PDSS2: variants seen among roughly 807,000 people sequenced by gnomAD.
The protein encoded by PDSS2 is all trans-polyprenyl-diphosphate synthase PDSS2.
A neutral mutation model predicts 44.5 loss-of-function variants in PDSS2; 31 were observed. That is an observed-to-expected ratio of 0.70 (90% CI 0.52 to 0.94). PDSS2 has a LOEUF of 0.94. Ranked by LOEUF, PDSS2 falls within the 40% of genes least tolerant of loss-of-function variation. PDSS2 has a pLI of 0.00. For synonymous variants in PDSS2, 157 were observed against 180.3 expected (o/e 0.87, Z 1.03); for missense variants, 452 against 482.2 (o/e 0.94, Z 0.59).
intron 7 of PDSS2, among the ~76,000 whole-genome samples, chr6:107,157,398 C>T (rs1188049523): frequency 2.0e-5 from 3 of 152,046 alleles, no homozygotes; most frequent in Admixed American, 2.0e-4. Context: ...ATTGCCCAAG[C>T]TAATCTCAAA....
At chr6:107,453,879 C>T (rs1781951920) in intron 1 of PDSS2, among the ~76,000 whole-genome samples, 1 of 152,146 alleles carries the variant, frequency 6.6e-6, no homozygotes, top group Non-Finnish European at 1.5e-5. Context: ...TTTTATCCAT[C>T]CATCCTTCAA....
intron 1 of PDSS2, among the ~76,000 whole-genome samples, chr6:107,404,533 T>C (rs1359367527): frequency 6.6e-6 from 1 of 152,208 alleles, no homozygotes; most frequent in Non-Finnish European, 1.5e-5. Context: ...CAGTTCCACA[T>C]GGCTGGGAAG....
chr6:107,344,696 G>A (rs570154644), intron 1 of PDSS2, among the ~76,000 whole-genome samples: 27 of 152,154 alleles, frequency 1.8e-4, no homozygotes, highest in Non-Finnish European at 3.1e-4. Context: ...TTGTTGAGCA[G>A]GGACTAAATC....
intron 1 of PDSS2, among the ~76,000 whole-genome samples, chr6:107,402,466 A>ATATATATG (rs1432499041): frequency 3.8e-5 from 1 of 26,492 alleles, no homozygotes; most frequent in East Asian, 4.8e-4. Context: ...ATATATACGT[A>ATATATATG]TATATATGTA....
At chr6:107,403,366 A>G (rs1583041326) in intron 1 of PDSS2, among the ~76,000 whole-genome samples, 1 of 152,298 alleles carries the variant, frequency 6.6e-6, no homozygotes, top group East Asian at 1.9e-4. Flanking sequence ...CCTCCCTCCC[A>G]GCTGCTTTCA....
chr6:107,347,829 T>C (rs1265010461), intron 1 of PDSS2, among the ~76,000 whole-genome samples: 1 of 152,230 alleles, frequency 6.6e-6, no homozygotes, highest in Non-Finnish European at 1.5e-5. Flanking sequence ...AATGGCTATA[T>C]GTTGTCCTAA....
chr6:107,212,006 G>C lies in PDSS2; in HGVS notation c.876+103C>G, dbSNP rs968869224. On this transcript the variant is annotated intron_variant, in intron 5 of 7. Coordinates refer to ENST00000369037, the MANE Select transcript of PDSS2 (RefSeq NM_020381.4). ...CTGACAGATTTGAACCACACAATAAGCATTTTTGAAATATAAAAGAAGCTT... is the reference window on the plus strand; with the variant it reads ...CTGACAGATTTGAACCACACAATAACCATTTTTGAAATATAAAAGAAGCTT... 1.2e-5 allele frequency: 11 copies of C among 947,394 alleles called. No individual in the cohort carries two copies. The African/African-American group carries it at 1.5e-4, about 12-fold the overall frequency. The allele number at this position is 947,394 out of a possible 1,614,324, so 58.7% of individuals were successfully genotyped here. A position where few individuals can be genotyped will look rare whatever the true frequency, so the allele number is the denominator to read the frequency against.
intron 7 of PDSS2, among the ~76,000 whole-genome samples, chr6:107,186,353 T>C (rs566190116): frequency 6.6e-6 from 1 of 152,304 alleles, no homozygotes; most frequent in East Asian, 1.9e-4. Flanking sequence ...GAAGGTCCAG[T>C]TGAGAATGAT....
At chr6:107,298,126 A>G (rs1440621284) in intron 2 of PDSS2, among the ~76,000 whole-genome samples, 1 of 152,238 alleles carries the variant, frequency 6.6e-6, no homozygotes, top group East Asian at 1.9e-4. Flanking sequence ...GGGATAGTGC[A>G]TTCAGTTATT....
chr6:107,272,606 A>C (rs892315306), intron 3 of PDSS2, among the ~76,000 whole-genome samples: 5 of 152,222 alleles, frequency 3.3e-5, no homozygotes, highest in African/African-American at 9.6e-5. Context: ...CTGTTATCTT[A>C]TAATCAAACC....
At chr6:107,414,748 C>A (rs1780607464) in intron 1 of PDSS2, among the ~76,000 whole-genome samples, 1 of 152,194 alleles carries the variant, frequency 6.6e-6, no homozygotes, top group Admixed American at 6.5e-5. Flanking sequence ...TATCCCCAGT[C>A]CTTGTTAACA....
intron 1 of PDSS2, among the ~76,000 whole-genome samples, chr6:107,398,962 A>G (rs565351293): frequency 6.6e-6 from 1 of 152,160 alleles, no homozygotes; most frequent in Non-Finnish European, 1.5e-5. Context: ...TTTAGAATGT[A>G]TTCATATTCT....
intron 2 of PDSS2, among the ~76,000 whole-genome samples, chr6:107,288,483 G>A (rs1776228724): frequency 6.6e-6 from 1 of 152,174 alleles, no homozygotes; most frequent in Non-Finnish European, 1.5e-5. Flanking sequence ...GACAGGCAGG[G>A]AGCAGGAAAT....
intron 2 of PDSS2, among the ~76,000 whole-genome samples, chr6:107,319,435 G>A (rs749272468): frequency 2.0e-5 from 3 of 152,144 alleles, no homozygotes; most frequent in Non-Finnish European, 4.4e-5. Context: ...GATCTGGGGT[G>A]TTCTGATTGA....
chr6:107,215,433 T>A (rs1248226720), intron 4 of PDSS2, among the ~76,000 whole-genome samples: 1 of 152,172 alleles, frequency 6.6e-6, no homozygotes, highest in Non-Finnish European at 1.5e-5. Context: ...ATTTCTTTAA[T>A]GTGATAGGGG....
chr6:107,191,220 G>A (rs1403106325), intron 7 of PDSS2, among the ~76,000 whole-genome samples: 2 of 152,192 alleles, frequency 1.3e-5, no homozygotes, highest in African/African-American at 4.8e-5. Flanking sequence ...AAGCTGGAGA[G>A]AGAAACGGTC....
chr6:107,432,771 AAAAC>A (rs144191425), intron 1 of PDSS2, among the ~76,000 whole-genome samples: 33,021 of 151,810 alleles, frequency 0.22, 3,945 homozygotes, highest in African/African-American at 0.32. Context: ...AACAAAAACA[AAAAC>A]AAACAAAAAA....
chr6:107,458,834 G>A (rs1782143242), intron 1 of PDSS2, among the ~76,000 whole-genome samples, 156 bp downstream of exon 1: 2 of 152,184 alleles, frequency 1.3e-5, no homozygotes, highest in South Asian at 4.1e-4. Flanking sequence ...GACTAGAGAA[G>A]AGACAACACG....
intron 7 of PDSS2, among the ~76,000 whole-genome samples, chr6:107,174,814 TAAG>T (rs141323797): frequency 0.022 from 3,361 of 152,158 alleles, 114 homozygotes; most frequent in African/African-American, 0.075. Context: ...AAAAATACAG[TAAG>T]AATAGTAGTG....
Sources: gnomAD v4.1 joint callset for allele counts (sites outside exome capture counted in the v4.1 genomes callset) on GRCh38, gnomAD v4.1.1 for gene constraint, MANE v1.5 for transcripts, NCBI Gene and HGNC (gene_info 2026-07-23, HGNC 2026-07-21) for gene names.